The following TLK1 variants were observed in gnomAD, a reference collection of about 807,000 sequenced individuals.
TLK1 encodes tousled like kinase 1.
TLK1 carries 24 observed loss-of-function variants against 105.3 expected under a neutral mutation model. The ratio of observed to expected loss-of-function variants is 0.23; its 90% CI spans 0.17 to 0.32. The LOEUF is 0.32. Among genes scored for constraint, TLK1 ranks in the 10% least tolerant of loss-of-function variants. The pLI, the probability that TLK1 is intolerant of heterozygous loss-of-function variation, is 1.00. For missense variants in TLK1, 558 were observed against 910.5 expected, an observed-to-expected ratio of 0.61 and a Z score of 4.98; for synonymous variants, 321 against 310.4, an observed-to-expected ratio of 1.03 and a Z score of -0.36.
rs549118829 is a variant in TLK1 at position 171,049,044 on chromosome 2, G to A, written c.980+770C>T. On this transcript the variant is annotated intron_variant, in intron 10 of 20. Transcript: ENST00000431350. ...GAAAAGTAACAGAAAACCAAACACC[G>A]CATGTTCTCATGTATAAGTGGGAGC... Among the ~76,000 whole-genome samples, 4 of 152,218 alleles carry A rather than the reference G, an allele frequency of 2.6e-5. No homozygotes were observed. The South Asian group carries it at 6.2e-4, about 24-fold the overall frequency.
intron 1 of TLK1, among the ~76,000 whole-genome samples, chr2:171,139,224 T>C (rs1691468774): frequency 6.6e-6 from 1 of 152,184 alleles, no homozygotes; most frequent in Non-Finnish European, 1.5e-5. Flanking sequence ...TTTAAAAATA[T>C]ATTGTAATGC....
intron 11 of TLK1, among the ~76,000 whole-genome samples, chr2:171,037,885 A>C (rs1686450617): frequency 6.6e-6 from 1 of 152,208 alleles, no homozygotes; most frequent in African/African-American, 2.4e-5. Flanking sequence ...AGTGGGAAGC[A>C]TATCTACCTT....
intron 13 of TLK1, among the ~76,000 whole-genome samples, chr2:171,011,813 T>A (rs183506783): frequency 2.7e-4 from 41 of 152,190 alleles, no homozygotes; most frequent in Admixed American, 4.6e-4. Flanking sequence ...ATATTGGGAG[T>A]TATAATCAAG....
intron 11 of TLK1, among the ~76,000 whole-genome samples, chr2:171,044,858 A>G (rs986577030): frequency 9.2e-5 from 14 of 152,330 alleles, no homozygotes; most frequent in African/African-American, 1.4e-4. Flanking sequence ...ACGTAAGTTA[A>G]AGACCCAAAT....
chr2:170,994,530 G>A (rs1236512160), intron 20 of TLK1, among the ~76,000 whole-genome samples: 5 of 129,426 alleles, frequency 3.9e-5, no homozygotes, highest in Non-Finnish European at 4.8e-5. Flanking sequence ...TTTGAGAATA[G>A]CCTCTTACAA....
At chr2:171,151,061 G>T (rs1692010627) in intron 1 of TLK1, among the ~76,000 whole-genome samples, 1 of 151,324 alleles carries the variant, frequency 6.6e-6, no homozygotes, top group Non-Finnish European at 1.5e-5. Flanking sequence ...TCACTCTGTT[G>T]CCCTGGCTGG....
At chr2:171,127,288 AAAAAAG>A (rs1558956932) in intron 1 of TLK1, among the ~76,000 whole-genome samples, 10 of 146,506 alleles carry the variant, frequency 6.8e-5, no homozygotes, top group Non-Finnish European at 3.0e-5. Context: ...AAAAAAAAAA[AAAAAAG>A]AAAGAAAAAA....
chr2:171,093,407 A>C (rs1689321657), intron 2 of TLK1, among the ~76,000 whole-genome samples: 1 of 152,212 alleles, frequency 6.6e-6, no homozygotes. Flanking sequence ...ACCTGATCTG[A>C]CCTTGACATT....
intron 3 of TLK1, among the ~76,000 whole-genome samples, chr2:171,061,691 C>T (rs1486372774): frequency 2.0e-5 from 3 of 152,200 alleles, no homozygotes; most frequent in Non-Finnish European, 2.9e-5. Context: ...AGATTATGCC[C>T]CAGATAACGG....
intron 12 of TLK1, among the ~76,000 whole-genome samples, chr2:171,024,996 T>C (rs1476723560): frequency 6.6e-6 from 1 of 152,208 alleles, no homozygotes; most frequent in Non-Finnish European, 1.5e-5. Context: ...ATTTTCCTAA[T>C]CTCAGAAGAG....
intron 1 of TLK1, among the ~76,000 whole-genome samples, chr2:171,143,279 AG>A: frequency 6.6e-6 from 1 of 152,040 alleles, no homozygotes. Flanking sequence ...CCAAGGTGGG[AG>A]GATCACTTGA....
intron 12 of TLK1, among the ~76,000 whole-genome samples, chr2:171,025,002 A>G (rs1239377424): frequency 3.3e-5 from 5 of 152,234 alleles, no homozygotes. Context: ...CTAATCTCAG[A>G]AGAGAAAACT....
intron 1 of TLK1, among the ~76,000 whole-genome samples, chr2:171,194,740 C>T (rs1277345079): frequency 3.3e-4 from 50 of 150,036 alleles, no homozygotes; most frequent in Admixed American, 3.1e-3. Context: ...TGGCGTGAAC[C>T]TGGGAGGCGG....
At chr2:171,158,710 G>A (rs564493768) in intron 1 of TLK1, among the ~76,000 whole-genome samples, 1 of 152,140 alleles carries the variant, frequency 6.6e-6, no homozygotes, top group South Asian at 2.1e-4. Context: ...ACAAACAAAA[G>A]TAAAAGCATG....
intron 1 of TLK1, among the ~76,000 whole-genome samples, chr2:171,143,927 C>G (rs966183902): frequency 6.6e-6 from 1 of 151,996 alleles, no homozygotes; most frequent in Non-Finnish European, 1.5e-5. Context: ...GAATAAGATC[C>G]AATTAAACGC....
At chr2:171,175,510 A>G (rs1558980810) in intron 1 of TLK1, among the ~76,000 whole-genome samples, 1 of 152,206 alleles carries the variant, frequency 6.6e-6, no homozygotes, top group Non-Finnish European at 1.5e-5. Context: ...GGACTTGAGT[A>G]TCCATGAATT....
intron 2 of TLK1, among the ~76,000 whole-genome samples, chr2:171,107,691 C>A (rs770114019): frequency 3.9e-5 from 6 of 152,096 alleles, no homozygotes; most frequent in Admixed American, 6.5e-5. Flanking sequence ...AGTGACCATG[C>A]GAAGGAGTTT....
intron 1 of TLK1, among the ~76,000 whole-genome samples, chr2:171,120,110 G>A (rs966881233): frequency 1.7e-4 from 26 of 152,014 alleles, no homozygotes; most frequent in South Asian, 4.2e-4. Context: ...TTAGCCGAGC[G>A]TGGTGGTGTG....
chr2:171,054,817 T>TA (rs1364062375), intron 7 of TLK1: 1 of 238,706 alleles, frequency 4.2e-6, no homozygotes, highest in Non-Finnish European at 8.1e-6. Flanking sequence ...AAATATCAAT[T>TA]ACATATACTT....
Sources: gnomAD v4.1 joint callset for allele counts (sites outside exome capture counted in the v4.1 genomes callset) on GRCh38, gnomAD v4.1.1 for gene constraint, MANE v1.5 for transcripts, NCBI Gene and HGNC (gene_info 2026-07-23, HGNC 2026-07-21) for gene names.